Variants in ATP8A2 observed in about 807,000 individuals in gnomAD.
ATP8A2 encodes the protein ATPase phospholipid transporting 8A2, also known as phospholipid-transporting ATPase IB.
A neutral mutation model predicts 165.6 loss-of-function variants in ATP8A2; 100 were observed. The ratio of observed to expected loss-of-function variants is 0.60; its 90% CI spans 0.51 to 0.71. The LOEUF (loss-of-function observed/expected upper bound fraction) is 0.71, where lower values mean the gene tolerates loss of function less well. Ranked by LOEUF, ATP8A2 falls within the 30% of genes least tolerant of loss-of-function variation. ATP8A2 has a pLI of 0.00. For missense variants in ATP8A2, 1,227 were observed against 1,479.5 expected, an observed-to-expected ratio of 0.83 and a Z score of 2.80; for synonymous variants, 543 against 548.8, an observed-to-expected ratio of 0.99 and a Z score of 0.15.
At chr13:25,749,571 G>T (rs2138189750) in intron 25 of ATP8A2, among the ~76,000 whole-genome samples, 1 of 152,246 alleles carries the variant, frequency 6.6e-6, no homozygotes, top group Non-Finnish European at 1.5e-5. Flanking sequence ...AGGAGGCTGT[G>T]CTCGGTGGGG....
intron 2 of ATP8A2, among the ~76,000 whole-genome samples, chr13:25,501,987 T>G (rs1172789027): frequency 9.9e-5 from 15 of 152,220 alleles, no homozygotes; most frequent in Non-Finnish European, 1.5e-5. Context: ...TGTTGAACCC[T>G]TTAATTACAG....
intron 1 of ATP8A2, among the ~76,000 whole-genome samples, chr13:25,432,604 C>A (rs1017022913): frequency 6.6e-6 from 1 of 151,954 alleles, no homozygotes; most frequent in African/African-American, 2.4e-5. Flanking sequence ...AAGGGCACCC[C>A]AGTTTTATGA....
At chr13:25,702,020 A>C (rs567161012) in intron 25 of ATP8A2, among the ~76,000 whole-genome samples, 3 of 152,196 alleles carry the variant, frequency 2.0e-5, no homozygotes, top group Admixed American at 2.0e-4. Context: ...ATCAACATGT[A>C]CTTAAAAAAA....
chr13:25,470,550 A>C (rs2035813923), intron 2 of ATP8A2, among the ~76,000 whole-genome samples: 1 of 152,242 alleles, frequency 6.6e-6, no homozygotes, highest in Non-Finnish European at 1.5e-5. Context: ...ACAGTTTGGT[A>C]GTTCTTCAAA....
At chr13:25,456,014 G>T (rs936424073) in intron 1 of ATP8A2, among the ~76,000 whole-genome samples, 24 of 152,328 alleles carry the variant, frequency 1.6e-4, no homozygotes, top group African/African-American at 5.8e-4. Flanking sequence ...CTATGGGGTG[G>T]AGGAGAGCAC....
intron 27 of ATP8A2, among the ~76,000 whole-genome samples, chr13:25,811,402 A>T (rs1950863911): frequency 6.6e-6 from 1 of 152,212 alleles, no homozygotes; most frequent in African/African-American, 2.4e-5. Context: ...AATATACTTT[A>T]TTTAAAAGTT....
chr13:25,869,370 G>GA (rs1462333435), intron 33 of ATP8A2, among the ~76,000 whole-genome samples: 23 of 152,190 alleles, frequency 1.5e-4, no homozygotes, highest in Admixed American at 6.5e-4. Flanking sequence ...GATGGGAACA[G>GA]AACTCCCGTT....
chr13:25,731,377 G>GGA (rs2043638543), intron 25 of ATP8A2, among the ~76,000 whole-genome samples: 3 of 148,032 alleles, frequency 2.0e-5, no homozygotes, highest in South Asian at 4.2e-4. Context: ...AAGGAAGGAA[G>GGA]AGGGAGGAAG....
chr13:25,465,759 CTCTTTCTCTCTT>C (rs1318107743), intron 1 of ATP8A2, among the ~76,000 whole-genome samples: 5 of 86,424 alleles, frequency 5.8e-5, no homozygotes, highest in African/African-American at 2.7e-4. Context: ...CTCTCTCTCT[CTCTTTCTCTCTT>C]TCTCTCTTTC....
chr13:25,529,554 G>A (rs1375745573), intron 2 of ATP8A2, among the ~76,000 whole-genome samples: 5 of 152,150 alleles, frequency 3.3e-5, no homozygotes, highest in African/African-American at 9.7e-5. Context: ...GGATGTCCTA[G>A]GTGGAAGCAA....
intron 1 of ATP8A2, among the ~76,000 whole-genome samples, chr13:25,460,864 TG>T (rs2035485760): frequency 6.6e-6 from 1 of 152,242 alleles, no homozygotes; most frequent in Non-Finnish European, 1.5e-5. Context: ...GAAATTGCCC[TG>T]TTTCTTTGGC....
intron 1 of ATP8A2, among the ~76,000 whole-genome samples, chr13:25,403,214 AAGC>A (rs2033694986): frequency 6.6e-6 from 1 of 152,146 alleles, no homozygotes; most frequent in Non-Finnish European, 1.5e-5. Context: ...ACCATCTTGG[AAGC>A]AGAGAGCAGC....
chr13:25,591,560 G>A (rs1054447674), intron 24 of ATP8A2, among the ~76,000 whole-genome samples: 3 of 151,162 alleles, frequency 2.0e-5, no homozygotes, highest in Admixed American at 6.6e-5. Flanking sequence ...TAATCCATCA[G>A]TGGACAGTTG....
At chr13:25,875,237 C>G (rs1018210951) in intron 33 of ATP8A2, among the ~76,000 whole-genome samples, 1 of 149,278 alleles carries the variant, frequency 6.7e-6, no homozygotes, top group Non-Finnish European at 1.5e-5. Flanking sequence ...GATAGTAAAT[C>G]TTAAGTTTTT....
intron 2 of ATP8A2, among the ~76,000 whole-genome samples, chr13:25,523,976 T>C (rs2037753635): frequency 6.6e-6 from 1 of 152,120 alleles, no homozygotes; most frequent in Admixed American, 6.5e-5. Flanking sequence ...CTTTCTCCTT[T>C]TTTGATGTAG....
chr13:25,499,838 A>T lies in ATP8A2; in HGVS notation c.222-30161A>T, dbSNP rs1016598716. 3.3e-5 allele frequency among the ~76,000 whole-genome samples: 5 copies of T among 152,200 alleles called. No homozygotes were observed. In the East Asian group the frequency reaches 9.6e-4, roughly 29 times the overall value. ...AAAATAAACAGGAGACATAAGGAAAAGTTGGGATAGGGTAGGGGAAGACCA... is the reference window on the plus strand; with the variant it reads ...AAAATAAACAGGAGACATAAGGAAATGTTGGGATAGGGTAGGGGAAGACCA... On this transcript the variant is annotated intron_variant, in intron 2 of 36. Transcript: ENST00000381655.
In ATP8A2 at chr13:25,543,169, G is replaced by A. The variant is rs1408147494; in HGVS notation, c.780-122G>A. ...TAACCTTTGTTGTCTGTGTTTCTCA[G>A]TGAAGTAGTTCAAATTGGAGGAAAG... On this transcript the variant is annotated intron_variant, in intron 9 of 36. Coordinates refer to ENST00000381655, the MANE Select transcript of ATP8A2 (RefSeq NM_016529.6). 4 of 589,998 alleles carry A rather than the reference G, an allele frequency of 6.8e-6. No individual in the cohort carries two copies. In the Admixed American group the frequency reaches 8.2e-5, roughly 12 times the overall value. 36.5% of individuals were successfully genotyped at this position (589,998 alleles called of 1,614,324 possible).
At chr13:25,918,929 G>A (rs961134171) in intron 33 of ATP8A2, among the ~76,000 whole-genome samples, 2 of 152,154 alleles carry the variant, frequency 1.3e-5, no homozygotes, top group Non-Finnish European at 2.9e-5. Flanking sequence ...GTTCAAATGG[G>A]AGCTAAACAG....
intron 23 of ATP8A2, among the ~76,000 whole-genome samples, 171 bp downstream of exon 23, chr13:25,582,128 G>T (rs1288828367): frequency 6.6e-6 from 1 of 152,146 alleles, no homozygotes; most frequent in Non-Finnish European, 1.5e-5. Flanking sequence ...ATGCCTCCAT[G>T]CCTGTTACAA....
Sources: gnomAD v4.1 joint callset for allele counts (sites outside exome capture counted in the v4.1 genomes callset) on GRCh38, gnomAD v4.1.1 for gene constraint, MANE v1.5 for transcripts, NCBI Gene and HGNC (gene_info 2026-07-23, HGNC 2026-07-21) for gene names.